NCKAP5: variants seen among roughly 807,000 people sequenced by gnomAD.
NCKAP5 encodes nck-associated protein 5.
A neutral mutation model predicts 167.0 loss-of-function variants in NCKAP5; 92 were observed. The observed-to-expected ratio is 0.55, with a 90% confidence interval of 0.47 to 0.66. NCKAP5 has a LOEUF of 0.66. Among genes scored for constraint, NCKAP5 ranks in the 30% least tolerant of loss-of-function variants. The pLI, the probability that NCKAP5 is intolerant of heterozygous loss-of-function variation, is 0.00. For missense variants in NCKAP5, 2,378 were observed against 2,315.0 expected (o/e 1.03, Z -0.56); for synonymous variants, 891 against 877.4 (o/e 1.02, Z -0.27).
intron 11 of NCKAP5, among the ~76,000 whole-genome samples, chr2:132,826,593 T>C (rs964448100): frequency 9.9e-5 from 15 of 152,228 alleles, no homozygotes; most frequent in African/African-American, 3.4e-4. Flanking sequence ...AAATCATGTT[T>C]GTGACCCATA....
intron 6 of NCKAP5, among the ~76,000 whole-genome samples, chr2:133,046,532 C>A (rs2149472046): frequency 6.6e-6 from 1 of 152,164 alleles, no homozygotes; most frequent in South Asian, 2.1e-4. Context: ...GCAAGTGCCA[C>A]CATGCCTGGT....
At chr2:133,483,679 T>C (rs1680661148) in intron 3 of NCKAP5, among the ~76,000 whole-genome samples, 1 of 152,230 alleles carries the variant, frequency 6.6e-6, no homozygotes. Flanking sequence ...ACGGGCTTTC[T>C]TTTAAACAAT....
chr2:133,130,193 T>G, intron 5 of NCKAP5, 82 bp from the exon 6 acceptor site: 1 of 1,437,714 alleles, frequency 7.0e-7, no homozygotes, highest in Non-Finnish European at 9.4e-7. Context: ...AGTGATAACT[T>G]GAGCTTTATA....
intron 3 of NCKAP5, among the ~76,000 whole-genome samples, chr2:133,361,030 A>G (rs1559416019): frequency 6.7e-6 from 1 of 150,258 alleles, no homozygotes; most frequent in East Asian, 2.0e-4. Context: ...ACAAGGACCT[A>G]TGCTGGTGAC....
At chr2:133,322,651 A>C (rs1682141632) in intron 3 of NCKAP5, among the ~76,000 whole-genome samples, 1 of 152,240 alleles carries the variant, frequency 6.6e-6, no homozygotes, top group African/African-American at 2.4e-5. Flanking sequence ...CCACCCATCC[A>C]GGATATTCTT....
chr2:133,325,049 G>T (rs182136799), intron 3 of NCKAP5, among the ~76,000 whole-genome samples: 1 of 152,112 alleles, frequency 6.6e-6, no homozygotes, highest in African/African-American at 2.4e-5. Context: ...TTATTCACTC[G>T]AATTCTTCTG....
chr2:133,118,763 T>C (rs539701343), intron 6 of NCKAP5: 5 of 152,144 alleles, frequency 3.3e-5, no homozygotes, highest in Non-Finnish European at 5.9e-5. Context: ...AAGGGAAAAT[T>C]TGGGCCATCT....
chr2:132,869,428 G>A (rs1026296139), intron 9 of NCKAP5, among the ~76,000 whole-genome samples: 1 of 152,116 alleles, frequency 6.6e-6, no homozygotes, highest in African/African-American at 2.4e-5. Flanking sequence ...AGGTTGAATG[G>A]TCTAGCATAG....
At position 133,083,786 on chromosome 2, in the gene NCKAP5, G is replaced by A. The variant is rs72998839; in HGVS notation, c.341+46192C>T. On this transcript the variant is annotated intron_variant, in intron 6 of 19. Transcript: ENST00000409261. ...TTCTTCTGTCATTCACTGAGTCACC[G>A]CAATCTAAGGTGATCCCACTATGTG... Among the ~76,000 whole-genome samples, 476 of 152,184 alleles carry A rather than the reference G, an allele frequency of 3.1e-3. 2 individuals carry two copies. Among genetic ancestry groups the A allele is most frequent in the African/African-American group, 9.4e-3 (392 of 41,514 alleles).
chr2:132,910,012 A>G (rs1694318819), intron 8 of NCKAP5, among the ~76,000 whole-genome samples: 1 of 152,234 alleles, frequency 6.6e-6, no homozygotes, highest in South Asian at 2.1e-4. Context: ...TAGAGCAGTT[A>G]AGGAACTTGC....
At position 133,135,156 on chromosome 2, in the gene NCKAP5, G is replaced by T. The variant is rs979474116; in HGVS notation, c.208-5045C>A. ...TAAACTGATTGTTAATTAAGAGTAT[G>T]CTGAAAGGTGAAAGTGACGGAAACT... is the stretch of plus-strand genomic sequence containing the variant. On this transcript the variant is annotated intron_variant, in intron 5 of 19. Coordinates refer to ENST00000409261, the MANE Select transcript of NCKAP5 (RefSeq NM_207363.3). 5.9e-5 allele frequency among the ~76,000 whole-genome samples: 9 copies of T among 152,330 alleles called. No individual in the cohort carries two copies. The South Asian group carries it at 1.7e-3, about 28-fold the overall frequency.
chr2:133,200,079 T>G (rs2085616312), intron 5 of NCKAP5, among the ~76,000 whole-genome samples: 2 of 148,028 alleles, frequency 1.4e-5, no homozygotes, highest in African/African-American at 2.5e-5. Context: ...TTTTTTTTTT[T>G]GCAGAAATGA....
chr2:133,103,562 A>C (rs111671099), intron 6 of NCKAP5, among the ~76,000 whole-genome samples: 7,452 of 152,178 alleles, frequency 0.049, 590 homozygotes, highest in African/African-American at 0.17. Context: ...GGGAGGCCAC[A>C]GTGAGAGAAC....
At chr2:133,326,044 C>T (rs190238623) in intron 3 of NCKAP5, among the ~76,000 whole-genome samples, 61 of 152,278 alleles carry the variant, frequency 4.0e-4, no homozygotes, top group African/African-American at 1.3e-3. Flanking sequence ...CTTGTTAATA[C>T]GTAACTAGAA....
intron 3 of NCKAP5, among the ~76,000 whole-genome samples, chr2:133,333,067 C>T (rs1365882548): frequency 6.6e-6 from 1 of 152,210 alleles, no homozygotes; most frequent in Non-Finnish European, 1.5e-5. Flanking sequence ...CTAAAACGTG[C>T]CCTTGTTTGC....
chr2:132,802,147 G>A (rs1023999263), intron 11 of NCKAP5, among the ~76,000 whole-genome samples: 6 of 152,156 alleles, frequency 3.9e-5, no homozygotes, highest in African/African-American at 1.4e-4. Context: ...TGATCTGAGA[G>A]AAGGGATGCC....
chr2:133,637,996 T>G, the NCKAP5 span, among the ~76,000 whole-genome samples: 1 of 152,186 alleles, frequency 6.6e-6, no homozygotes, highest in African/African-American at 2.4e-5. Flanking sequence ...CAAAAATATA[T>G]AGGTTAGAAT....
chr2:132,787,347 C>CA (rs34393093), intron 13 of NCKAP5, among the ~76,000 whole-genome samples: 4,808 of 104,290 alleles, frequency 0.046, 151 homozygotes, highest in African/African-American at 0.099. Flanking sequence ...GACTCCGTTT[C>CA]AAAAAAAAAA....
intron 6 of NCKAP5, among the ~76,000 whole-genome samples, chr2:133,022,453 G>A (rs553113122): frequency 5.3e-5 from 8 of 152,294 alleles, no homozygotes; most frequent in African/African-American, 1.9e-4. Flanking sequence ...AAGGTGCAGG[G>A]AGGGGCTGTC....
Sources: gnomAD v4.1 joint callset for allele counts (sites outside exome capture counted in the v4.1 genomes callset) on GRCh38, gnomAD v4.1.1 for gene constraint, MANE v1.5 for transcripts, NCBI Gene and HGNC (gene_info 2026-07-23, HGNC 2026-07-21) for gene names.